The following SPAG17 variants were observed in gnomAD, a reference collection of about 807,000 sequenced individuals.
SPAG17 encodes the protein sperm associated antigen 17.
SPAG17 carries 169 observed loss-of-function variants against 273.6 expected under a neutral mutation model. The ratio of observed to expected loss-of-function variants is 0.62; its 90% CI spans 0.55 to 0.70. The LOEUF is 0.70. Among genes scored for constraint, SPAG17 ranks in the 30% least tolerant of loss-of-function variants. The probability of loss-of-function intolerance (pLI) is 0.00; values close to 1 mark genes in which losing one functional copy is unlikely to be tolerated. For missense variants in SPAG17, 2,557 were observed against 2,627.8 expected (o/e 0.97, Z 0.59); for synonymous variants, 825 against 873.2 (o/e 0.94, Z 0.97).
chr1:118,058,480 T>C, intron 18 of SPAG17, among the ~76,000 whole-genome samples: 1 of 152,154 alleles, frequency 6.6e-6, no homozygotes, highest in Non-Finnish European at 1.5e-5. Flanking sequence ...ATGCTGGGAA[T>C]ATAGGCATGA....
chr1:118,077,900 G>T (rs1654235553), intron 15 of SPAG17, among the ~76,000 whole-genome samples: 1 of 152,174 alleles, frequency 6.6e-6, no homozygotes, highest in African/African-American at 2.4e-5. Flanking sequence ...AGTGGAGGAA[G>T]CACTGGTTTG....
intron 15 of SPAG17, 42 bp downstream of exon 15, chr1:118,081,055 TCTTA>T: frequency 1.5e-6 from 2 of 1,308,298 alleles, no homozygotes; most frequent in Non-Finnish European, 1.1e-6. Context: ...TATAATAGTG[TCTTA>T]CACACACACA....
At chr1:118,132,822 A>G (rs1162831931) in intron 3 of SPAG17, among the ~76,000 whole-genome samples, 1 of 152,166 alleles carries the variant, frequency 6.6e-6, no homozygotes, top group African/African-American at 2.4e-5. Flanking sequence ...GCCAGGCTGG[A>G]GTGCAGTGGT....
At chr1:117,964,543 A>G (rs1016484290) in intron 47 of SPAG17, 1 of 152,134 alleles carries the variant, frequency 6.6e-6, no homozygotes, top group Non-Finnish European at 1.5e-5. Context: ...AAACCCTGTC[A>G]TTACTCAAAG....
At chr1:117,972,096 A>AGAT (rs1326498164) in intron 44 of SPAG17, 49 bp from the exon 45 acceptor site, 1 of 1,495,928 alleles carries the variant, frequency 6.7e-7, no homozygotes, top group South Asian at 1.3e-5. Flanking sequence ...TGAGTTCCCA[A>AGAT]GATTAAAAAA....
At chr1:117,971,710 T>G in intron 45 of SPAG17, 153 bp downstream of exon 45, 6 of 533,268 alleles carry the variant, frequency 1.1e-5, no homozygotes, top group Non-Finnish European at 1.3e-5. Context: ...AATGAATGAA[T>G]GAGTTAGTGT....
chr1:117,984,955 C>T (rs1372638262), intron 40 of SPAG17, among the ~76,000 whole-genome samples, 173 bp from the exon 41 acceptor site: 1 of 152,162 alleles, frequency 6.6e-6, no homozygotes, highest in Non-Finnish European at 1.5e-5. Context: ...ATTTTCTCTT[C>T]TTTTAGAATC....
chr1:118,093,017 A>T lies in SPAG17; in HGVS notation c.1173+139T>A. 5 of 863,348 alleles carry T rather than the reference A, an allele frequency of 5.8e-6. No individual in the cohort carries two copies. In the Admixed American group the frequency reaches 1.2e-4, roughly 20 times the overall value. The allele number at this position is 863,348 out of a possible 1,614,324, so 53.5% of individuals were successfully genotyped here. On this transcript the variant is annotated intron_variant, in intron 8 of 48. Coordinates refer to ENST00000336338, the MANE Select transcript of SPAG17 (RefSeq NM_206996.4). ...GAGCTTCACAAAGCCCCCATCATGT[A>T]GCTATCTTTTATGCCAGTAGGCAGT...
intron 32 of SPAG17, 100 bp from the exon 33 acceptor site, chr1:117,996,843 C>G: frequency 7.9e-7 from 1 of 1,266,174 alleles, no homozygotes; most frequent in Non-Finnish European, 1.1e-6. Flanking sequence ...GGTGGGTTTA[C>G]TCACAAAATT....
intron 32 of SPAG17, among the ~76,000 whole-genome samples, chr1:118,002,012 G>C (rs531572491): frequency 6.6e-6 from 1 of 152,104 alleles, no homozygotes; most frequent in Admixed American, 6.5e-5. Flanking sequence ...CAGAGATTCT[G>C]GTATGTTGTG....
chr1:118,010,851 C>T (rs921279961), intron 30 of SPAG17, among the ~76,000 whole-genome samples: 5 of 151,874 alleles, frequency 3.3e-5, no homozygotes, highest in African/African-American at 9.7e-5. Context: ...ATCCAGCATC[C>T]GTAAGGAATT....
At chr1:118,043,806 A>T (rs1650040578) in intron 20 of SPAG17, among the ~76,000 whole-genome samples, 2 of 152,234 alleles carry the variant, frequency 1.3e-5, no homozygotes, top group African/African-American at 4.8e-5. Context: ...GTCCAGTATT[A>T]AAAAACTATT....
intron 1 of SPAG17, among the ~76,000 whole-genome samples, chr1:118,159,375 G>T (rs916718659): frequency 5.9e-5 from 9 of 152,114 alleles, no homozygotes; most frequent in Admixed American, 2.0e-4. Flanking sequence ...TGCCTCTGTG[G>T]TTTCTTAGCC....
rs376571521 is a variant in SPAG17 at position 118,056,347 on chromosome 1, G to C, written c.2541-433C>G. Among the ~76,000 whole-genome samples, 5 of 152,240 alleles carry C rather than the reference G, an allele frequency of 3.3e-5. No homozygotes were observed. In the South Asian group the frequency reaches 1.0e-3, roughly 32 times the overall value. ...GCACATTAGGAACTTTTAAAATTGA[G>C]ACCAATTAATACTCACTGGATTAAC... On this transcript the variant is annotated intron_variant, in intron 18 of 48. Coordinates refer to ENST00000336338, the MANE Select transcript of SPAG17 (RefSeq NM_206996.4).
intron 20 of SPAG17, among the ~76,000 whole-genome samples, chr1:118,048,531 A>C (rs532554073): frequency 4.6e-5 from 7 of 152,220 alleles, no homozygotes; most frequent in Non-Finnish European, 1.0e-4. Flanking sequence ...TAGCTAAACT[A>C]AAAAAAAGAG....
intron 3 of SPAG17, among the ~76,000 whole-genome samples, chr1:118,136,428 A>C (rs1218969862): frequency 2.0e-5 from 3 of 152,204 alleles, no homozygotes; most frequent in Admixed American, 2.0e-4. Context: ...CTGATAAATA[A>C]ATGCATACTG....
At chr1:118,125,817 A>G (rs1292030444) in intron 3 of SPAG17, among the ~76,000 whole-genome samples, 1 of 152,212 alleles carries the variant, frequency 6.6e-6, no homozygotes, top group East Asian at 1.9e-4. Flanking sequence ...TACTGTGAAT[A>G]GTGCTGCAGT....
intron 32 of SPAG17, among the ~76,000 whole-genome samples, chr1:118,003,741 C>T (rs1177750608): frequency 6.6e-6 from 1 of 152,098 alleles, no homozygotes; most frequent in Non-Finnish European, 1.5e-5. Flanking sequence ...TTTTTAGCTT[C>T]CTTGCGATGG....
intron 32 of SPAG17, among the ~76,000 whole-genome samples, chr1:117,998,088 T>A (rs1315178648): frequency 6.6e-6 from 1 of 152,180 alleles, no homozygotes; most frequent in African/African-American, 2.4e-5. Context: ...TTTTTGCTTT[T>A]GTTGCAATTG....
Sources: gnomAD v4.1 joint callset for allele counts (sites outside exome capture counted in the v4.1 genomes callset) on GRCh38, gnomAD v4.1.1 for gene constraint, MANE v1.5 for transcripts, NCBI Gene and HGNC (gene_info 2026-07-23, HGNC 2026-07-21) for gene names.